FAM162B: variants seen among roughly 807,000 people sequenced by gnomAD.
FAM162B encodes the protein family with sequence similarity 162 member B.
Under a neutral mutation model 20.0 loss-of-function variants are expected in FAM162B, and 16 were observed. The ratio of observed to expected loss-of-function variants is 0.80; its 90% CI spans 0.54 to 1.21. The LOEUF (loss-of-function observed/expected upper bound fraction) is 1.21, where lower values mean the gene tolerates loss of function less well. Ranked by LOEUF, FAM162B falls within the 50% of genes most tolerant of loss-of-function variation. The probability of loss-of-function intolerance (pLI) is 0.00; values close to 1 mark genes in which losing one functional copy is unlikely to be tolerated. For synonymous variants in FAM162B, 83 were observed against 89.7 expected, an observed-to-expected ratio of 0.93 and a Z score of 0.42; for missense variants, 260 against 227.5, an observed-to-expected ratio of 1.14 and a Z score of -0.92.
At chr6:116,757,292 C>A (rs1368324950) in intron 3 of FAM162B, among the ~76,000 whole-genome samples, 1 of 151,830 alleles carries the variant, frequency 6.6e-6, no homozygotes, top group East Asian at 1.9e-4. Flanking sequence ...TTTTCAGTTA[C>A]AATATTATAA....
At chr6:116,765,282 G>T in intron 1 of FAM162B, 27 bp from the exon 2 acceptor site, 14 of 1,608,904 alleles carry the variant, frequency 8.7e-6, no homozygotes, top group Non-Finnish European at 1.2e-5. Context: ...CCAGATGGAC[G>T]CGGGAACTGA....
rs1243094317 is a variant in FAM162B, at chr6:116,765,405, C to T, written c.172G>A (p.Gly58Arg). Residue 58 changes from glycine to arginine, a missense_variant and splice_region_variant, in exon 1 of 4, where the codon GGG becomes AGG. Transcript: ENST00000368557. ...CCTCCCCGTCGGAGCCCTGGCTCAC[C>T]GTGACCTTGGGGCCCAGAATTGCTG... ...APSNSGPQGHGEIHRVPTQRR... is the reference protein window; with the variant it reads ...APSNSGPQGHREIHRVPTQRR... 15 of 1,465,714 alleles carry T rather than the reference C, an allele frequency of 1.0e-5. No individual in the cohort carries two copies. The highest frequency in any genetic ancestry group is 1.4e-5 in the African/African-American group (1 of 70,314). The allele number at this position is 1,465,714 out of a possible 1,614,324, so 90.8% of individuals were successfully genotyped here. A position where few individuals can be genotyped will look rare whatever the true frequency, so the allele number is the denominator to read the frequency against.
chr6:116,753,869 TA>T (rs1410332498), intron 3 of FAM162B, among the ~76,000 whole-genome samples: 1 of 152,020 alleles, frequency 6.6e-6, no homozygotes, highest in African/African-American at 2.4e-5. Context: ...ACTGGCAGAG[TA>T]AACTTGGAAG....
At chr6:116,758,782 T>G (rs1417356541) in intron 3 of FAM162B, among the ~76,000 whole-genome samples, 1 of 152,198 alleles carries the variant, frequency 6.6e-6, no homozygotes, top group Non-Finnish European at 1.5e-5. Flanking sequence ...ATTTCTTGAC[T>G]AATTTATCTT....
rs546670804 is a variant in FAM162B, at chr6:116,761,862, C to A, written c.390+115G>T. The A allele has an allele frequency of 3.0e-5, 19 of 640,766 alleles. 1 individual carries two copies. The South Asian group carries it at 6.2e-4, about 21-fold the overall frequency. The allele number at this position is 640,766 out of a possible 1,614,324, so 39.7% of individuals were successfully genotyped here. On this transcript the variant is annotated intron_variant, in intron 3 of 3. Coordinates refer to ENST00000368557, the MANE Select transcript of FAM162B (RefSeq NM_001085480.3). ...GTCCATGACATTTCTTAAAATTCAC[C>A]CTTTGGGCTGACTAAGGAGGTACTC...
intron 2 of FAM162B, 63 bp from the exon 3 acceptor site, chr6:116,762,148 T>G: frequency 7.4e-7 from 1 of 1,359,144 alleles, no homozygotes; most frequent in Non-Finnish European, 9.9e-7. Flanking sequence ...ACAGGCATGA[T>G]AGATAATTTG....
intron 3 of FAM162B, 113 bp downstream of exon 3, chr6:116,761,864 T>A: frequency 1.5e-6 from 1 of 666,964 alleles, no homozygotes; most frequent in Non-Finnish European, 2.5e-6. Context: ...AAATTCACCC[T>A]TTGGGCTGAC....
At chr6:116,754,777 T>G (rs938034826) in intron 3 of FAM162B, among the ~76,000 whole-genome samples, 1 of 152,220 alleles carries the variant, frequency 6.6e-6, no homozygotes, top group Admixed American at 6.5e-5. Context: ...TCCAACAGCA[T>G]GTGCTCACTT....
In FAM162B at chr6:116,765,604, G is replaced by A; in HGVS notation, c.-28C>T. On this transcript the variant is annotated 5_prime_UTR_variant, in exon 1 of 4. Transcript: ENST00000368557. ...TGCCCGCTTGTCCCGCGCCGCACCCGCACCTCCGGACCCAGCCACAGGCGT... is the reference window on the plus strand; with the variant it reads ...TGCCCGCTTGTCCCGCGCCGCACCCACACCTCCGGACCCAGCCACAGGCGT... 2 of 1,304,868 alleles carry A rather than the reference G, an allele frequency of 1.5e-6. No individual in the cohort carries two copies. The highest frequency in any genetic ancestry group is 2.6e-5 in the South Asian group (1 of 38,786). The allele number at this position is 1,304,868 out of a possible 1,614,324, so 80.8% of individuals were successfully genotyped here. A position where few individuals can be genotyped will look rare whatever the true frequency, so the allele number is the denominator to read the frequency against.
At chr6:116,755,950 A>AAG (rs1301691189) in intron 3 of FAM162B, among the ~76,000 whole-genome samples, 7 of 152,190 alleles carry the variant, frequency 4.6e-5, no homozygotes, top group Non-Finnish European at 8.8e-5. Flanking sequence ...CTCAGTGACA[A>AAG]TGCACCTGGT....
At chr6:116,757,754 C>CAA (rs36020350) in intron 3 of FAM162B, among the ~76,000 whole-genome samples, 40,812 of 102,588 alleles carry the variant, frequency 0.4, 7,277 homozygotes, top group African/African-American at 0.52. Context: ...CCTCCTCCAC[C>CAA]AAAAAAAAAA....
intron 3 of FAM162B, among the ~76,000 whole-genome samples, chr6:116,758,602 T>C (rs938465064): frequency 6.6e-6 from 1 of 152,200 alleles, no homozygotes; most frequent in Non-Finnish European, 1.5e-5. Flanking sequence ...TCTTTTCTGT[T>C]GTATAGCTTC....
At chr6:116,758,167 C>A (rs928452827) in intron 3 of FAM162B, among the ~76,000 whole-genome samples, 1 of 152,108 alleles carries the variant, frequency 6.6e-6, no homozygotes, top group Admixed American at 6.6e-5. Context: ...GAGCAAGAAT[C>A]ATTTACAATA....
At chr6:116,764,677 T>C (rs1260517088) in intron 2 of FAM162B, among the ~76,000 whole-genome samples, 2 of 151,280 alleles carry the variant, frequency 1.3e-5, no homozygotes, top group African/African-American at 4.9e-5. Flanking sequence ...GGATGCGTCT[T>C]TTTTCCAGAG....
chr6:116,761,382 A>G (rs1168863400), intron 3 of FAM162B, among the ~76,000 whole-genome samples: 1 of 152,068 alleles, frequency 6.6e-6, no homozygotes, highest in Non-Finnish European at 1.5e-5. Context: ...CAAGCTCTGC[A>G]TTTCTAACTA....
At chr6:116,763,217 C>T (rs1220323315) in intron 2 of FAM162B, among the ~76,000 whole-genome samples, 1 of 152,074 alleles carries the variant, frequency 6.6e-6, no homozygotes, top group Non-Finnish European at 1.5e-5. Context: ...CAGATGGAAC[C>T]TAGAAGCTCT....
intron 3 of FAM162B, 65 bp from the exon 4 acceptor site, chr6:116,752,760 A>ATACT: frequency 2.2e-6 from 1 of 453,678 alleles, no homozygotes; most frequent in Non-Finnish European, 3.2e-6. Context: ...ATATATATAC[A>ATACT]TATATGTATA....
chr6:116,761,758 A>G (rs1780147231), intron 3 of FAM162B, among the ~76,000 whole-genome samples: 1 of 149,676 alleles, frequency 6.7e-6, no homozygotes, highest in Non-Finnish European at 1.5e-5. Flanking sequence ...ACACACATAT[A>G]TATATATATG....
intron 3 of FAM162B, among the ~76,000 whole-genome samples, chr6:116,760,157 T>C (rs1382309650): frequency 6.6e-6 from 1 of 152,212 alleles, no homozygotes; most frequent in Non-Finnish European, 1.5e-5. Flanking sequence ...AAGTATTTAG[T>C]GTATTAATGA....
Sources: allele counts gnomAD v4.1 joint callset (sites outside exome capture counted in the v4.1 genomes callset), GRCh38; gene constraint gnomAD v4.1.1; transcripts MANE v1.5; gene names NCBI Gene and HGNC (gene_info 2026-07-23, HGNC 2026-07-21).